Variants in DCTN4 observed in about 807,000 individuals in gnomAD.
DCTN4 encodes the protein dynactin subunit 4.
Under a neutral mutation model 62.7 loss-of-function variants are expected in DCTN4, and 23 were observed. The ratio of observed to expected loss-of-function variants is 0.37; its 90% confidence interval spans 0.26 to 0.52. The LOEUF (loss-of-function observed/expected upper bound fraction) is 0.52, where lower values mean the gene tolerates loss of function less well. Among genes scored for constraint, DCTN4 ranks in the 20% least tolerant of loss-of-function variants. The pLI is 0.92. For synonymous variants in DCTN4, 199 were observed against 202.1 expected (o/e 0.98, Z 0.13); for missense variants, 514 against 580.4 (o/e 0.89, Z 1.18).
intron 4 of DCTN4, among the ~76,000 whole-genome samples, chr5:150,735,588 C>T (rs570233511): frequency 2.6e-5 from 4 of 152,288 alleles, no homozygotes; most frequent in South Asian, 2.1e-4. Context: ...TGCAGTCCAG[C>T]TCTCAGGAAG....
At chr5:150,743,101 A>G (rs1385132183) in intron 3 of DCTN4, 1 of 152,614 alleles carries the variant, frequency 6.6e-6, no homozygotes, top group African/African-American at 2.4e-5. Flanking sequence ...CGGCACCTGG[A>G]AAATCGGGCC....
At position 150,726,815 on chromosome 5, in the gene DCTN4, A is replaced by G. The variant is rs117444253; in HGVS notation, c.834+3816T>C. 1.7e-4 allele frequency among the ~76,000 whole-genome samples: 26 copies of G among 152,326 alleles called. No individual in the cohort carries two copies. In the East Asian group the frequency reaches 5.0e-3, roughly 29 times the overall value. ...TTGCAGCACTCTAAACTTAAGCAGA[A>G]GAACAGCTGTTCACATCTTACAAAT... On this transcript the variant is annotated intron_variant, in intron 8 of 12. Coordinates refer to ENST00000447998, the MANE Select transcript of DCTN4 (RefSeq NM_016221.4).
intron 1 of DCTN4, chr5:150,757,887 T>C (rs3776832): frequency 0.21 from 36,485 of 170,134 alleles, 9,418 homozygotes; most frequent in African/African-American, 0.65. Flanking sequence ...CAGGTCCTCC[T>C]TCCCACCCCC....
chr5:150,715,314 T>C (rs1759713328), intron 12 of DCTN4, among the ~76,000 whole-genome samples: 1 of 152,196 alleles, frequency 6.6e-6, no homozygotes, highest in African/African-American at 2.4e-5. Context: ...ATTTATAGAA[T>C]GATCCCAATG....
Position 150,753,603 on chromosome 5 carries a change from G to A in DCTN4, c.261C>T (p.Ala87=), listed in dbSNP as rs1261414794. ...CTGGAAGCTGTGTGGAGATGCTCGTGGCCCGAGTAGAGAGGGTGTGCATGC... is the reference window on the plus strand; with the variant it reads ...CTGGAAGCTGTGTGGAGATGCTCGTAGCCCGAGTAGAGAGGGTGTGCATGC... ...PGCMHTLSTR[A]TSISTQLPDD... is the part of the protein sequence containing the mutation. The change falls in exon 3 of 13, where the codon GCC becomes GCT. Residue 87 remains alanine (A), a synonymous_variant. Coordinates refer to ENST00000447998, the MANE Select transcript of DCTN4 (RefSeq NM_016221.4). 2 of 1,614,136 alleles carry A rather than the reference G, an allele frequency of 1.2e-6. No individual in the cohort carries two copies. The highest frequency in any genetic ancestry group is 2.2e-5 in the South Asian group (2 of 91,072).
chr5:150,729,697 T>G (rs1166454563), intron 8 of DCTN4, among the ~76,000 whole-genome samples: 1 of 151,350 alleles, frequency 6.6e-6, no homozygotes, highest in Non-Finnish European at 1.5e-5. Context: ...CATCACACAC[T>G]ACAGTCTCAA....
At chr5:150,731,303 G>T in intron 6 of DCTN4, 113 bp downstream of exon 6, 1 of 1,078,792 alleles carries the variant, frequency 9.3e-7, no homozygotes, top group Non-Finnish European at 1.4e-6. Context: ...CTAAGTATGA[G>T]AATCTTCTTT....
intron 8 of DCTN4, among the ~76,000 whole-genome samples, chr5:150,727,791 AAAAAAAC>A (rs1561695374): frequency 8.0e-5 from 12 of 150,304 alleles, no homozygotes; most frequent in African/African-American, 3.0e-4. Context: ...AAAAAAAAAA[AAAAAAAC>A]AAAAAACCCA....
At chr5:150,726,017 C>T (rs887358885) in intron 8 of DCTN4, among the ~76,000 whole-genome samples, 3 of 151,916 alleles carry the variant, frequency 2.0e-5, no homozygotes, top group African/African-American at 7.3e-5. Flanking sequence ...ATTCTCCTGC[C>T]TCAGCCTCCC....
At chr5:150,754,706 G>A (rs1196521212) in intron 2 of DCTN4, among the ~76,000 whole-genome samples, 1 of 152,170 alleles carries the variant, frequency 6.6e-6, no homozygotes, top group African/African-American at 2.4e-5. Context: ...AGCAGCTCAC[G>A]CTTGTAATCC....
intron 4 of DCTN4, 128 bp downstream of exon 4, chr5:150,741,986 G>T: frequency 1.2e-6 from 1 of 812,846 alleles, no homozygotes; most frequent in Non-Finnish European, 2.2e-6. Context: ...GAGAAGCACT[G>T]TCTATGTGCA....
chr5:150,713,844 TG>T (rs1581560491), intron 12 of DCTN4, among the ~76,000 whole-genome samples: 1 of 152,014 alleles, frequency 6.6e-6, no homozygotes, highest in East Asian at 2.0e-4. Context: ...GGGCCAGGCA[TG>T]GTGGCTCACG....
Position 150,724,238 on chromosome 5 carries a change from A to G in DCTN4, c.835-1258T>C, listed in dbSNP as rs567947073. Among the ~76,000 whole-genome samples, 8 of 152,270 alleles carry G rather than the reference A, an allele frequency of 5.3e-5. No homozygotes were observed. The South Asian group carries it at 1.2e-3, about 24-fold the overall frequency. ...CCCTGATTAGTGTATAAATTTGAAT[A>G]TCTTTCATATTTATTGGCTATTGGG... is the stretch of plus-strand genomic sequence containing the variant. On this transcript the variant is annotated intron_variant, in intron 8 of 12. Coordinates refer to ENST00000447998, the MANE Select transcript of DCTN4 (RefSeq NM_016221.4).
At position 150,731,216 on chromosome 5, in the gene DCTN4, C is replaced by G. The variant is rs1760352677; in HGVS notation, c.612-60G>C. 5.9e-6 allele frequency: 7 copies of G among 1,180,576 alleles called. No homozygotes were observed. The East Asian group carries it at 1.6e-4, about 28-fold the overall frequency. The allele number at this position is 1,180,576 out of a possible 1,614,324, so 73.1% of individuals were successfully genotyped here. A position where few individuals can be genotyped will look rare whatever the true frequency, so the allele number is the denominator to read the frequency against. On this transcript the variant is annotated intron_variant, in intron 6 of 12. Coordinates refer to ENST00000447998, the MANE Select transcript of DCTN4 (RefSeq NM_016221.4). ...AAAGAGTAATTTCTCACGGATCCAC[C>G]TGATTATCCTCAGTCTATGATATCA...
chr5:150,758,662 G>T, intron 1 of DCTN4, 197 bp downstream of exon 1: 1 of 1,258,322 alleles, frequency 7.9e-7, no homozygotes, highest in Non-Finnish European at 1.1e-6. Flanking sequence ...CAGAAGATCC[G>T]CTCAGTCCCA....
At chr5:150,717,755 T>C (rs778467396) in intron 11 of DCTN4, among the ~76,000 whole-genome samples, 3 of 152,340 alleles carry the variant, frequency 2.0e-5, no homozygotes, top group East Asian at 3.9e-4. Flanking sequence ...GTAAAATGAA[T>C]AGCATACACA....
intron 11 of DCTN4, among the ~76,000 whole-genome samples, chr5:150,717,751 T>C (rs1033362582): frequency 6.6e-6 from 1 of 152,204 alleles, no homozygotes; most frequent in Non-Finnish European, 1.5e-5. Flanking sequence ...CTAAGTAAAA[T>C]GAATAGCATA....
intron 2 of DCTN4, among the ~76,000 whole-genome samples, chr5:150,754,428 T>C (rs1382178610): frequency 2.0e-5 from 3 of 152,204 alleles, no homozygotes; most frequent in Admixed American, 1.3e-4. Flanking sequence ...GTGGAAAGTA[T>C]ACAAAACAGT....
At position 150,708,850 on chromosome 5, in the gene DCTN4, G is replaced by T. The variant is rs1466230574; in HGVS notation, c.*2299C>A. On this transcript the variant is annotated 3_prime_UTR_variant, in exon 13 of 13. Coordinates refer to ENST00000447998, the MANE Select transcript of DCTN4 (RefSeq NM_016221.4). ...AGGAGTACCTCTCTGTCCCAAAAGG[G>T]ACCAAAAAGGGTGTTTCTTCACAAA... 6.5e-6 allele frequency: 1 copy of T among 152,758 alleles called. No individual in the cohort carries two copies. The highest frequency in any genetic ancestry group is 1.5e-5 in the Non-Finnish European group (1 of 68,028). 9.5% of individuals were successfully genotyped at this position (152,758 alleles called of 1,614,324 possible).
Sources: allele counts gnomAD v4.1 joint callset (sites outside exome capture counted in the v4.1 genomes callset), GRCh38; gene constraint gnomAD v4.1.1; transcripts MANE v1.5; gene names NCBI Gene and HGNC (gene_info 2026-07-23, HGNC 2026-07-21).